LIN28B: variants seen among roughly 807,000 people sequenced by gnomAD.
The protein encoded by LIN28B is protein lin-28 homolog B.
Under a neutral mutation model 21.9 loss-of-function variants are expected in LIN28B, and 5 were observed. The observed-to-expected ratio is 0.23, with a 90% CI of 0.12 to 0.48. The LOEUF (loss-of-function observed/expected upper bound fraction) is 0.48. LIN28B is among the 20% of genes least tolerant of loss of function. The probability of loss-of-function intolerance (pLI) is 0.98; values close to 1 mark genes in which losing one functional copy is unlikely to be tolerated. For synonymous variants in LIN28B, 109 were observed against 111.3 expected (o/e 0.98, Z 0.13); for missense variants, 245 against 310.5 (o/e 0.79, Z 1.58).
In LIN28B at chr6:104,967,056, C is replaced by A. The variant is rs528577718; in HGVS notation, c.198+8770C>A. On this transcript the variant is annotated intron_variant, in intron 2 of 3. Transcript: ENST00000345080. Reference sequence around the variant, plus strand: ...TACAGAGATTTACAGGCGTGAATCACCATGCCTGGCCTCACTCTGGTTTTC... The same window carrying A: ...TACAGAGATTTACAGGCGTGAATCAACATGCCTGGCCTCACTCTGGTTTTC... Among the ~76,000 whole-genome samples, 86 of 152,224 alleles carry A rather than the reference C, an allele frequency of 5.6e-4. No homozygotes were observed. In the South Asian group the frequency reaches 0.017, roughly 29 times the overall value.
chr6:105,020,339 C>T (rs1280447396), intron 2 of LIN28B, among the ~76,000 whole-genome samples: 4 of 148,074 alleles, frequency 2.7e-5, no homozygotes, highest in African/African-American at 1.0e-4. Flanking sequence ...GCAAATACAG[C>T]AAGGATTTTT....
intron 2 of LIN28B, among the ~76,000 whole-genome samples, chr6:105,014,207 G>T (rs777073894): frequency 3.3e-5 from 5 of 151,908 alleles, no homozygotes; most frequent in Admixed American, 6.6e-5. Context: ...CAATACAGTG[G>T]CACAATCACA....
At chr6:105,045,501 G>A (rs2114373675) in intron 3 of LIN28B, 1 of 151,990 alleles carries the variant, frequency 6.6e-6, no homozygotes, top group South Asian at 2.1e-4. Flanking sequence ...GACCAAGCTG[G>A]TGTCGAACTC....
At chr6:105,050,848 G>A (rs1053352453) in intron 3 of LIN28B, among the ~76,000 whole-genome samples, 9 of 151,118 alleles carry the variant, frequency 6.0e-5, no homozygotes, top group African/African-American at 2.2e-4. Flanking sequence ...GTTGATTTTG[G>A]TACTTGGTTT....
At chr6:104,983,075 T>C (rs949047901) in intron 2 of LIN28B, among the ~76,000 whole-genome samples, 5 of 152,196 alleles carry the variant, frequency 3.3e-5, no homozygotes, top group Admixed American at 6.5e-5. Flanking sequence ...TCCAAAGTGC[T>C]GGCCATAACA....
At chr6:105,039,059 G>A (rs1214160543) in intron 3 of LIN28B, among the ~76,000 whole-genome samples, 1 of 152,130 alleles carries the variant, frequency 6.6e-6, no homozygotes, top group Non-Finnish European at 1.5e-5. Context: ...TTCAAACTGT[G>A]GGTTGGGGCC....
intron 3 of LIN28B, among the ~76,000 whole-genome samples, chr6:105,054,995 C>A (rs1275067634): frequency 6.6e-6 from 1 of 151,854 alleles, no homozygotes; most frequent in Non-Finnish European, 1.5e-5. Flanking sequence ...GTCAACTGGT[C>A]TTCATTATTT....
intron 2 of LIN28B, among the ~76,000 whole-genome samples, chr6:104,981,023 A>G (rs1425846943): frequency 6.6e-6 from 1 of 152,174 alleles, no homozygotes; most frequent in Non-Finnish European, 1.5e-5. Context: ...GGACACCACA[A>G]CAGGTTCTGG....
upstream of LIN28B, among the ~76,000 whole-genome samples, chr6:104,956,361 C>T (rs1287753461): frequency 6.6e-6 from 1 of 152,154 alleles, no homozygotes; most frequent in Non-Finnish European, 1.5e-5. Flanking sequence ...TCTCCTCCCC[C>T]GGAAAGAGAT....
intron 2 of LIN28B, among the ~76,000 whole-genome samples, chr6:105,023,322 AATAT>A (rs1339964225): frequency 5.1e-5 from 2 of 38,976 alleles, no homozygotes; most frequent in East Asian, 1.2e-3. Flanking sequence ...TATTATATAT[AATAT>A]ATATAATTAT....
intron 3 of LIN28B, among the ~76,000 whole-genome samples, chr6:105,046,384 T>C (rs1771763022): frequency 6.6e-6 from 1 of 152,236 alleles, no homozygotes; most frequent in African/African-American, 2.4e-5. Flanking sequence ...CCATGGTGTA[T>C]ATGTGCCACA....
chr6:105,057,110 A>G (rs778726113), intron 3 of LIN28B, among the ~76,000 whole-genome samples: 4 of 152,334 alleles, frequency 2.6e-5, no homozygotes, highest in Non-Finnish European at 2.9e-5. Context: ...TAAAATATCT[A>G]TACTATAAAA....
At chr6:104,977,537 C>A (rs1015384386) in intron 2 of LIN28B, among the ~76,000 whole-genome samples, 1 of 152,070 alleles carries the variant, frequency 6.6e-6, no homozygotes, top group African/African-American at 2.4e-5. Context: ...GTTTGGTATT[C>A]TGACAGTACT....
intron 2 of LIN28B, among the ~76,000 whole-genome samples, chr6:105,010,989 A>ACTTGCTATTGTTGGGAGATAACTTTC (rs1770911505): frequency 6.6e-6 from 1 of 152,132 alleles, no homozygotes; most frequent in African/African-American, 2.4e-5. Context: ...AGCTGTTTTT[A>ACTTGCTATTGTTGGGAGATAACTTTC]CTTGCTATTG....
intron 3 of LIN28B, among the ~76,000 whole-genome samples, chr6:105,053,954 C>T (rs945214442): frequency 1.3e-5 from 2 of 152,122 alleles, no homozygotes; most frequent in African/African-American, 4.8e-5. Flanking sequence ...GTGTTGGCCA[C>T]ACTGGTCTCA....
intron 2 of LIN28B, among the ~76,000 whole-genome samples, chr6:105,002,689 C>T (rs894668458): frequency 3.9e-5 from 6 of 152,036 alleles, no homozygotes; most frequent in African/African-American, 7.3e-5. Context: ...TTGAAGAGGT[C>T]GTCAATATTG....
chr6:105,005,720 TG>T (rs1770804741), intron 2 of LIN28B, among the ~76,000 whole-genome samples: 1 of 152,194 alleles, frequency 6.6e-6, no homozygotes, highest in African/African-American at 2.4e-5. Context: ...GTGAAGCCTG[TG>T]GAACTGTCAG....
intron 3 of LIN28B, among the ~76,000 whole-genome samples, chr6:105,038,211 G>C (rs1312406973): frequency 6.6e-6 from 1 of 152,220 alleles, no homozygotes; most frequent in Non-Finnish European, 1.5e-5. Flanking sequence ...TATACGTTAT[G>C]TGGGAGTTGC....
chr6:105,001,495 C>T (rs78891520), intron 2 of LIN28B, among the ~76,000 whole-genome samples: 2 of 152,140 alleles, frequency 1.3e-5, no homozygotes, highest in Non-Finnish European at 2.9e-5. Context: ...GACTAATAAT[C>T]GCTATTTATA....
Sources: gnomAD v4.1 joint callset for allele counts (sites outside exome capture counted in the v4.1 genomes callset) on GRCh38, gnomAD v4.1.1 for gene constraint, MANE v1.5 for transcripts, NCBI Gene and HGNC (gene_info 2026-07-23, HGNC 2026-07-21) for gene names.